The following PHACTR1 variants were observed in gnomAD, a reference collection of about 807,000 sequenced individuals.
The protein encoded by PHACTR1 is RPEL repeat containing 1.
Under a neutral mutation model 69.2 loss-of-function variants are expected in PHACTR1, and 16 were observed. The observed-to-expected ratio is 0.23, with a 90% CI of 0.16 to 0.35. PHACTR1 has a LOEUF of 0.35. Ranked by LOEUF, PHACTR1 falls within the 10% of genes least tolerant of loss-of-function variation. PHACTR1 has a pLI of 1.00. For missense variants in PHACTR1, 510 were observed against 734.7 expected (o/e 0.69, Z 3.54); for synonymous variants, 312 against 284.5 (o/e 1.10, Z -0.97).
chr6:13,098,091 C>G (rs1814573615), intron 5 of PHACTR1, among the ~76,000 whole-genome samples: 1 of 152,158 alleles, frequency 6.6e-6, no homozygotes, highest in African/African-American at 2.4e-5. Flanking sequence ...TGAAGCACCT[C>G]CCATGTTAGA....
intron 4 of PHACTR1, among the ~76,000 whole-genome samples, chr6:12,965,330 G>A (rs755249146): frequency 2.2e-4 from 34 of 152,094 alleles, no homozygotes; most frequent in Non-Finnish European, 3.1e-4. Flanking sequence ...CGTTTTCACA[G>A]CCATTCACAG....
intron 4 of PHACTR1, among the ~76,000 whole-genome samples, chr6:12,768,863 A>ACAG (rs1561864885): frequency 4.0e-4 from 54 of 136,578 alleles, no homozygotes; most frequent in African/African-American, 1.6e-3. Flanking sequence ...CACACACACA[A>ACAG]TGGAATACTA....
At chr6:13,092,626 A>AAG in intron 5 of PHACTR1, among the ~76,000 whole-genome samples, 1 of 152,230 alleles carries the variant, frequency 6.6e-6, no homozygotes, top group Admixed American at 6.5e-5. Context: ...ACTCACCATA[A>AAG]TATGGAATCA....
chr6:12,813,285 G>C (rs1456692919), intron 4 of PHACTR1, among the ~76,000 whole-genome samples: 1 of 152,154 alleles, frequency 6.6e-6, no homozygotes, highest in Non-Finnish European at 1.5e-5. Context: ...AGTTCTGAGA[G>C]CCCTTTTAGA....
intron 4 of PHACTR1, among the ~76,000 whole-genome samples, chr6:12,989,844 C>G (rs1041850584): frequency 2.0e-5 from 3 of 152,204 alleles, no homozygotes; most frequent in African/African-American, 7.2e-5. Context: ...TTAAATGAAT[C>G]TCCTTTGTGC....
chr6:12,742,632 G>A (rs1440726128), intron 3 of PHACTR1, among the ~76,000 whole-genome samples: 2 of 152,020 alleles, frequency 1.3e-5, no homozygotes. Flanking sequence ...GATTTGTTCT[G>A]GTTCAAATGC....
chr6:13,038,141 A>G (rs1803603074), intron 4 of PHACTR1, among the ~76,000 whole-genome samples: 1 of 152,204 alleles, frequency 6.6e-6, no homozygotes. Context: ...ATGAAATAAT[A>G]TAATTCTCAC....
chr6:12,745,884 G>A (rs375758163), intron 3 of PHACTR1, among the ~76,000 whole-genome samples: 10 of 152,098 alleles, frequency 6.6e-5, no homozygotes, highest in African/African-American at 2.4e-4. Context: ...CACTTGGGTG[G>A]GGTAGTAGTA....
chr6:13,066,411 C>T (rs570409653), intron 5 of PHACTR1, among the ~76,000 whole-genome samples: 47 of 152,248 alleles, frequency 3.1e-4, no homozygotes, highest in African/African-American at 9.9e-4. Flanking sequence ...CTTATGGATG[C>T]GTAAGATGGA....
At chr6:13,110,877 T>A (rs1452206759) in intron 5 of PHACTR1, among the ~76,000 whole-genome samples, 1 of 152,196 alleles carries the variant, frequency 6.6e-6, no homozygotes, top group East Asian at 1.9e-4. Context: ...AAGCTGAAAT[T>A]CTGTTCTTCC....
chr6:12,743,089 T>G (rs1765262896), intron 3 of PHACTR1, among the ~76,000 whole-genome samples: 1 of 152,108 alleles, frequency 6.6e-6, no homozygotes, highest in South Asian at 2.1e-4. Context: ...TAATCCAGAT[T>G]GTTGCATTAC....
At chr6:12,916,530 G>T (rs1195700676) in intron 4 of PHACTR1, among the ~76,000 whole-genome samples, 5 of 144,092 alleles carry the variant, frequency 3.5e-5, no homozygotes, top group Admixed American at 1.5e-4. Context: ...TACACTAGAG[G>T]GCATGGACTG....
intron 5 of PHACTR1, among the ~76,000 whole-genome samples, chr6:13,074,700 T>C (rs1810139465): frequency 6.6e-6 from 1 of 152,190 alleles, no homozygotes; most frequent in Non-Finnish European, 1.5e-5. Flanking sequence ...AGAATGTTTA[T>C]AATCACACAC....
At chr6:12,966,262 A>G (rs942584351) in intron 4 of PHACTR1, among the ~76,000 whole-genome samples, 2 of 152,212 alleles carry the variant, frequency 1.3e-5, no homozygotes, top group African/African-American at 4.8e-5. Flanking sequence ...ACTGTGTTCT[A>G]AATGCTGCTG....
intron 5 of PHACTR1, among the ~76,000 whole-genome samples, chr6:13,147,094 A>G (rs544251611): frequency 2.0e-5 from 3 of 152,354 alleles, no homozygotes; most frequent in African/African-American, 7.2e-5. Context: ...GAAAGGACAA[A>G]GTGAAGGTTG....
At chr6:12,873,542 C>T (rs191959985) in intron 4 of PHACTR1, among the ~76,000 whole-genome samples, 2 of 152,126 alleles carry the variant, frequency 1.3e-5, no homozygotes, top group East Asian at 3.9e-4. Flanking sequence ...AAAAAAGGTT[C>T]AATACAGGTA....
intron 7 of PHACTR1, among the ~76,000 whole-genome samples, chr6:13,189,397 C>A (rs757629046): frequency 6.6e-6 from 1 of 151,936 alleles, no homozygotes; most frequent in African/African-American, 2.4e-5. Flanking sequence ...TCCCACCCCC[C>A]CTTTTTTTTT....
intron 4 of PHACTR1, among the ~76,000 whole-genome samples, chr6:12,907,918 A>G (rs1785925510): frequency 6.6e-6 from 1 of 152,218 alleles, no homozygotes; most frequent in African/African-American, 2.4e-5. Flanking sequence ...GAGTGGTAGT[A>G]TAATGGAACA....
At chr6:12,803,415 A>G (rs374020661) in intron 4 of PHACTR1, among the ~76,000 whole-genome samples, 3 of 152,230 alleles carry the variant, frequency 2.0e-5, no homozygotes, top group South Asian at 2.1e-4. Flanking sequence ...GAAGGTGAGG[A>G]AGACTAAAGA....
Sources: allele counts gnomAD v4.1 joint callset (sites outside exome capture counted in the v4.1 genomes callset), GRCh38; gene constraint gnomAD v4.1.1; transcripts MANE v1.5; gene names NCBI Gene and HGNC (gene_info 2026-07-23, HGNC 2026-07-21).